ENOX2: variants seen among roughly 807,000 people sequenced by gnomAD.
ENOX2 encodes the protein APK1 antigen.
ENOX2 carries 36 observed loss-of-function variants against 45.0 expected under a neutral mutation model. The observed-to-expected ratio is 0.80, with a 90% CI of 0.61 to 1.06. The LOEUF (loss-of-function observed/expected upper bound fraction) is 1.06. Among genes scored for constraint, ENOX2 ranks in the 50% least tolerant of loss-of-function variants. The probability of loss-of-function intolerance (pLI) is 0.00; values close to 1 mark genes in which losing one functional copy is unlikely to be tolerated. For missense variants in ENOX2, 423 were observed against 462.5 expected, an observed-to-expected ratio of 0.91 and a Z score of 0.78; for synonymous variants, 174 against 152.3, an observed-to-expected ratio of 1.14 and a Z score of -1.05.
chrX:130,666,790 G>C lies in ENOX2; in HGVS notation c.907+740C>G, dbSNP rs757009950. The stretch of plus-strand genomic sequence containing the variant: ...AGTACAGGGAAGTCAAGTTTGGAAA[G>C]AGTGGACCATAATTGTTTAAAAGCA... On this transcript the variant is annotated intron_variant, in intron 8 of 14. Coordinates refer to ENST00000394363, the MANE Select transcript of ENOX2 (RefSeq NM_006375.4). Among the ~76,000 whole-genome samples the C allele has an allele frequency of 3.6e-5, 4 of 111,999 alleles. No homozygotes were observed. In the East Asian group the frequency reaches 1.1e-3, roughly 31 times the overall value.
intron 2 of ENOX2, among the ~76,000 whole-genome samples, chrX:130,873,130 T>A (rs2078631078): frequency 9.1e-6 from 1 of 110,486 alleles, no homozygotes. Flanking sequence ...TGGGAGAAAA[T>A]TTTTGCAATC....
chrX:130,859,503 C>T (rs763372833), intron 2 of ENOX2, among the ~76,000 whole-genome samples: 1 of 112,312 alleles, frequency 8.9e-6, no homozygotes, highest in South Asian at 3.7e-4. Context: ...TGAGATAGTA[C>T]CTGAATTGAG....
At chrX:130,763,720 A>T (rs758617611) in intron 3 of ENOX2, among the ~76,000 whole-genome samples, 3 of 111,151 alleles carry the variant, frequency 2.7e-5, no homozygotes, top group Admixed American at 1.9e-4. Flanking sequence ...ATAAAATTTT[A>T]AAAAAAGTTC....
At chrX:130,822,359 G>A (rs746273708) in intron 2 of ENOX2, among the ~76,000 whole-genome samples, 1 of 112,080 alleles carries the variant, frequency 8.9e-6, no homozygotes, top group East Asian at 2.8e-4. Context: ...TATTTTCCGA[G>A]GCTAGCAATA....
chrX:130,799,643 TG>T (rs1462506942), intron 2 of ENOX2, among the ~76,000 whole-genome samples: 2 of 111,643 alleles, frequency 1.8e-5, no homozygotes, highest in East Asian at 5.7e-4. Flanking sequence ...TTTCCTCAGC[TG>T]AAAAATGAGT....
In ENOX2 at chrX:130,821,435, G is replaced by T. The variant is rs1182928752; in HGVS notation, c.-182-37745C>A. ...AAACCATCATTCTCAGTAAACTATC[G>T]CAAGAACAAAAAACCAAACACCGCA... On this transcript the variant is annotated intron_variant, in intron 2 of 14. Transcript: ENST00000394363. Among the ~76,000 whole-genome samples the T allele has an allele frequency of 9.6e-4, 85 of 88,153 alleles. 2 individuals are homozygous for T. The highest frequency in any genetic ancestry group is 7.9e-4 in the African/African-American group (19 of 23,915). 76.6% of individuals were successfully genotyped at this position (88,153 alleles called of 115,157 possible). A position where few individuals can be genotyped will look rare whatever the true frequency, so the allele number is the denominator to read the frequency against.
chrX:130,806,914 T>C (rs1349807193), intron 2 of ENOX2, among the ~76,000 whole-genome samples: 1 of 112,408 alleles, frequency 8.9e-6, no homozygotes, highest in Non-Finnish European at 1.9e-5. Flanking sequence ...ATAGAGTTCA[T>C]TAAGTGTTAA....
At chrX:130,811,293 C>T (rs1170274498) in intron 2 of ENOX2, among the ~76,000 whole-genome samples, 1 of 112,414 alleles carries the variant, frequency 8.9e-6, no homozygotes, top group African/African-American at 3.2e-5. Context: ...ACCAAGCCAG[C>T]CCCTGGGACT....
chrX:130,853,664 A>G, intron 2 of ENOX2, among the ~76,000 whole-genome samples: 1 of 110,004 alleles, frequency 9.1e-6, no homozygotes, highest in Admixed American at 9.7e-5. Flanking sequence ...AGGTGTCCCA[A>G]CCAACCTACG....
chrX:130,675,358 C>G (rs191012295), intron 6 of ENOX2, among the ~76,000 whole-genome samples: 4 of 112,279 alleles, frequency 3.6e-5, no homozygotes, highest in African/African-American at 1.3e-4. Flanking sequence ...TTAAATATCT[C>G]AAAAGCATCC....
At chrX:130,871,043 TGAGA>T (rs776661430) in intron 2 of ENOX2, among the ~76,000 whole-genome samples, 6 of 111,082 alleles carry the variant, frequency 5.4e-5, no homozygotes, top group African/African-American at 2.0e-4. Context: ...CTAGTCGTTA[TGAGA>T]AAGAGCCAGT....
In ENOX2 at chrX:130,645,831, CAGG is replaced by C. The variant is rs1450558362; in HGVS notation, c.1130-8424_1130-8422del. ...CTACTTCCTCAGCACCACCTCCAGGCAGGAGGAGAGGGCAGTGAGAGAGAGGAA... is the reference window on the plus strand; with the variant it reads ...CTACTTCCTCAGCACCACCTCCAGGCAGGAGAGGGCAGTGAGAGAGAGGAA... On this transcript the variant is annotated intron_variant, in intron 10 of 14. Transcript: ENST00000394363. 4.2e-6 allele frequency: 3 copies of C among 718,979 alleles called. No homozygotes were observed. In the African/African-American group the frequency reaches 6.3e-5, roughly 15 times the overall value. The allele number at this position is 718,979 out of a possible 1,213,427, so 59.3% of individuals were successfully genotyped here.
At chrX:130,686,195 T>C (rs888975799) in intron 5 of ENOX2, among the ~76,000 whole-genome samples, 4 of 110,954 alleles carry the variant, frequency 3.6e-5, no homozygotes, top group African/African-American at 1.3e-4. Flanking sequence ...AGAATTGTAA[T>C]ACCCCATGTT....
chrX:130,709,892 T>C (rs2038144595), intron 3 of ENOX2, among the ~76,000 whole-genome samples: 6 of 109,411 alleles, frequency 5.5e-5, no homozygotes, highest in African/African-American at 2.0e-4. Flanking sequence ...ATTAGGTATT[T>C]CTCCTAATGC....
At chrX:130,825,370 G>C (rs2077700198) in intron 2 of ENOX2, among the ~76,000 whole-genome samples, 1 of 111,403 alleles carries the variant, frequency 9.0e-6, no homozygotes, top group Admixed American at 9.6e-5. Context: ...CCAACTTCGG[G>C]GGGGTACTTC....
At chrX:130,821,711 A>AAT (rs2077605036) in intron 2 of ENOX2, among the ~76,000 whole-genome samples, 6 of 94,346 alleles carry the variant, frequency 6.4e-5, no homozygotes, top group Non-Finnish European at 1.3e-4. Flanking sequence ...AATTAAAAAA[A>AAT]AAATAAATAA....
chrX:130,630,823 A>G (rs1305539469), intron 13 of ENOX2, among the ~76,000 whole-genome samples: 1 of 111,230 alleles, frequency 9.0e-6, no homozygotes, highest in Non-Finnish European at 1.9e-5. Flanking sequence ...CTGAGCCCTT[A>G]AACTCATGGA....
chrX:130,769,643 CTAGGTCT>C (rs1321973854), intron 3 of ENOX2, among the ~76,000 whole-genome samples: 1 of 111,579 alleles, frequency 9.0e-6, no homozygotes, highest in Non-Finnish European at 1.9e-5. Context: ...AAGACTGGAG[CTAGGTCT>C]TACTCAAGTC....
intron 3 of ENOX2, among the ~76,000 whole-genome samples, chrX:130,721,151 G>C (rs988238355): frequency 2.7e-5 from 3 of 111,082 alleles, no homozygotes; most frequent in African/African-American, 9.9e-5. Context: ...CACCGACAGG[G>C]CCTGCTTCCC....
Sources: gnomAD v4.1 joint callset for allele counts (sites outside exome capture counted in the v4.1 genomes callset) on GRCh38, gnomAD v4.1.1 for gene constraint, MANE v1.5 for transcripts, NCBI Gene and HGNC (gene_info 2026-07-23, HGNC 2026-07-21) for gene names.